GINS2: variants seen among roughly 807,000 people sequenced by gnomAD.
GINS2 encodes GINS complex subunit 2.
A neutral mutation model predicts 21.2 loss-of-function variants in GINS2; 23 were observed. The ratio of observed to expected loss-of-function variants is 1.08; its 90% CI spans 0.78 to 1.53. The LOEUF is 1.53. Ranked by LOEUF, GINS2 falls within the 40% of genes most tolerant of loss-of-function variation. The probability of loss-of-function intolerance (pLI) is 0.00; values close to 1 mark genes in which losing one functional copy is unlikely to be tolerated. For synonymous variants in GINS2, 118 were observed against 85.6 expected (o/e 1.38, Z -2.09); for missense variants, 323 against 233.9 (o/e 1.38, Z -2.49).
chr16:85,681,727 T>C (rs2053735098), intron 2 of GINS2, 46 bp from the exon 3 acceptor site: 3 of 1,205,632 alleles, frequency 2.5e-6, no homozygotes, highest in African/African-American at 3.0e-5. Flanking sequence ...ATAACCAAGA[T>C]ATTTATTAAA....
intron 2 of GINS2, among the ~76,000 whole-genome samples, chr16:85,685,840 C>G (rs1210442137): frequency 6.6e-6 from 1 of 151,508 alleles, no homozygotes; most frequent in Non-Finnish European, 1.5e-5. Flanking sequence ...GCTCTTGCTT[C>G]TAGGAGGTAG....
At chr16:85,679,906 C>T (rs2053717560) in intron 3 of GINS2, among the ~76,000 whole-genome samples, 1 of 152,198 alleles carries the variant, frequency 6.6e-6, no homozygotes, top group Non-Finnish European at 1.5e-5. Context: ...CATGAATGTA[C>T]TACACATCCT....
intron 1 of GINS2, among the ~76,000 whole-genome samples, chr16:85,688,490 G>T (rs2053799355): frequency 6.6e-6 from 1 of 152,198 alleles, no homozygotes; most frequent in Non-Finnish European, 1.5e-5. Flanking sequence ...AGGCTGCAGT[G>T]AGCCGAGACG....
At chr16:85,685,670 C>T (rs1341590107) in intron 2 of GINS2, among the ~76,000 whole-genome samples, 1 of 55,278 alleles carries the variant, frequency 1.8e-5, no homozygotes, top group Middle Eastern at 9.4e-3. Flanking sequence ...GACCCTTTCT[C>T]AAAAAAAAAA....
In GINS2 at chr16:85,678,616, T is replaced by G. The variant is rs748420580; in HGVS notation, c.356A>C (p.Asp119Ala). 3 of 1,613,864 alleles carry G rather than the reference T, an allele frequency of 1.9e-6. No individual in the cohort carries two copies. In the Admixed American group the frequency reaches 5.0e-5, roughly 27 times the overall value. ...KADEIRTLVK[D>A]MWDTRIAKLR... is the part of the protein sequence containing the mutation. Reference sequence around the variant, plus strand: ...TTTGGCTATACGAGTGTCCCACATATCCTTGACCAGGGTCCGGATTTCGTC... The same window carrying G: ...TTTGGCTATACGAGTGTCCCACATAGCCTTGACCAGGGTCCGGATTTCGTC... Residue 119 changes from aspartate to alanine, a missense_variant, in exon 4 of 5, where the codon GAT (aspartate) becomes GCT (alanine). By Grantham distance (126) the Asp-to-Ala change is moderately radical (BLOSUM62 -2). Coordinates refer to ENST00000253462, the MANE Select transcript of GINS2 (RefSeq NM_016095.3).
intron 2 of GINS2, among the ~76,000 whole-genome samples, chr16:85,685,009 G>C (rs1429448694): frequency 6.6e-6 from 1 of 152,006 alleles, no homozygotes; most frequent in Non-Finnish European, 1.5e-5. Flanking sequence ...GGCTGGTCTT[G>C]AACTCCTGAC....
intron 2 of GINS2, among the ~76,000 whole-genome samples, chr16:85,682,813 CGGAGCACAGCTA>C (rs1372098176): frequency 2.6e-5 from 4 of 152,190 alleles, no homozygotes; most frequent in African/African-American, 9.7e-5. Flanking sequence ...GGGACAAGCA[CGGAGCACAGCTA>C]CGCTGCAGGG....
intron 2 of GINS2, among the ~76,000 whole-genome samples, chr16:85,682,275 G>T (rs979302635): frequency 6.6e-6 from 1 of 152,040 alleles, no homozygotes; most frequent in East Asian, 1.9e-4. Flanking sequence ...TCAGCTTCTC[G>T]AAGTGCTGGG....
rs773316124 is a variant in GINS2 at position 85,681,639 on chromosome 16, G to T, written c.248C>A (p.Thr83Asn). ...GTAAGGGCTGGGCATTGGGGTAAAAGTTTCTTCCTTTCGTTCATGATCCCT... is the reference window on the plus strand; with the variant it reads ...GTAAGGGCTGGGCATTGGGGTAAAATTTTCTTCCTTTCGTTCATGATCCCT... ...KMRDHERKEE[T>N]FTPMPSPYYM... The change falls in exon 3 of 5, where the codon ACT becomes AAT. Residue 83 changes from threonine (T) to asparagine (N), a missense_variant. Thr to Asn is a moderately conservative substitution (Grantham distance 65). Transcript: ENST00000253462. The T allele has an allele frequency of 3.1e-6, 5 of 1,612,818 alleles. No homozygotes were observed. Among genetic ancestry groups the T allele is most frequent in the Non-Finnish European group, 4.2e-6 (5 of 1,178,954 alleles).
chr16:85,682,912 T>C (rs1377538832), intron 2 of GINS2, among the ~76,000 whole-genome samples: 1 of 152,074 alleles, frequency 6.6e-6, no homozygotes, highest in East Asian at 1.9e-4. Context: ...TTCCTTGGTC[T>C]ACTCACCCTC....
Position 85,677,559 on chromosome 16 carries a change from T to TGCAGTTTCCACTTAACTGCCGTGTGCC in GINS2, c.*626_*652dup, listed in dbSNP as rs2053689421. 1.3e-5 allele frequency: 2 copies of TGCAGTTTCCACTTAACTGCCGTGTGCC among 152,306 alleles called. No individual in the cohort carries two copies. The highest frequency in any genetic ancestry group is 4.8e-5 in the African/African-American group (2 of 41,468). 9.4% of individuals were successfully genotyped at this position (152,306 alleles called of 1,614,324 possible). A position where few individuals can be genotyped will look rare whatever the true frequency, so the allele number is the denominator to read the frequency against. On this transcript the variant is annotated 3_prime_UTR_variant, in exon 5 of 5. Coordinates refer to ENST00000253462, the MANE Select transcript of GINS2 (RefSeq NM_016095.3). Reference sequence around the variant, plus strand: ...GAAGGAGACACCCCAGGTGTTGGTCTGCAGTTTCCACTTAACTGCCGTGTG... The same window carrying TGCAGTTTCCACTTAACTGCCGTGTGCC: ...GAAGGAGACACCCCAGGTGTTGGTCTGCAGTTTCCACTTAACTGCCGTGTGCCGCAGTTTCCACTTAACTGCCGTGTG...
rs1407595522 is a variant in GINS2 at position 85,676,949 on chromosome 16, C to T, written c.*1263G>A. 6.6e-6 allele frequency: 1 copy of T among 152,290 alleles called. No homozygotes were observed. The allele number at this position is 152,290 out of a possible 1,614,324, so 9.4% of individuals were successfully genotyped here. A position where few individuals can be genotyped will look rare whatever the true frequency, so the allele number is the denominator to read the frequency against. On this transcript the variant is annotated 3_prime_UTR_variant, in exon 5 of 5. Transcript: ENST00000253462. ...GTGCAATCTTGGCTCACTACAACCTCCGCCTCTCGGGTTCAAGCGATTCTC... is the reference window on the plus strand; with the variant it reads ...GTGCAATCTTGGCTCACTACAACCTTCGCCTCTCGGGTTCAAGCGATTCTC...
At position 85,678,593 on chromosome 16, in the gene GINS2, T is replaced by A. The variant is rs1020916371; in HGVS notation, c.379A>T (p.Lys127Ter). The part of the protein sequence containing the change: ...VKDMWDTRIA[K>*]LRVSADSFVR... ...AAGCTGTCAGCAGACACTCGGAGTT[T>A]GGCTATACGAGTGTCCCACATATCC... The change falls in exon 4 of 5, where the codon AAA (lysine) becomes TAA (stop). Residue 127 changes from lysine to a stop codon, truncating the protein, a stop_gained. Coordinates refer to ENST00000253462, the MANE Select transcript of GINS2 (RefSeq NM_016095.3). LOFTEE classifies it high-confidence loss of function. The A allele has an allele frequency of 4.3e-6, 7 of 1,613,938 alleles. No individual in the cohort carries two copies. Among genetic ancestry groups the A allele is most frequent in the Non-Finnish European group, 5.9e-6 (7 of 1,179,872 alleles).
In GINS2 at chr16:85,687,579, C is replaced by T; in HGVS notation, c.91-5G>A. The T allele has an allele frequency of 6.6e-7, 1 of 1,510,710 alleles. No homozygotes were observed. The highest frequency in any genetic ancestry group is 8.9e-7 in the Non-Finnish European group (1 of 1,120,112). 93.6% of individuals were successfully genotyped at this position (1,510,710 alleles called of 1,614,324 possible). A position where few individuals can be genotyped will look rare whatever the true frequency, so the allele number is the denominator to read the frequency against. ...GTTAAAAGGCCCCAGGTCCCCCTGC[C>T]AAAAGTAAAACAATTCCCCGTAAGA... On this transcript the variant is annotated splice_polypyrimidine_tract_variant and splice_region_variant and intron_variant, in intron 1 of 4. Coordinates refer to ENST00000253462, the MANE Select transcript of GINS2 (RefSeq NM_016095.3).
chr16:85,678,792 T>C, intron 3 of GINS2, 126 bp from the exon 4 acceptor site: 1 of 905,160 alleles, frequency 1.1e-6, no homozygotes, highest in African/African-American at 1.7e-5. Context: ...TTTTGCTTTA[T>C]TTTCAACTTT....
chr16:85,678,431 G>A, intron 4 of GINS2, 94 bp from the exon 5 acceptor site: 1 of 1,553,382 alleles, frequency 6.4e-7, no homozygotes, highest in South Asian at 1.1e-5. Context: ...CCAATGAACT[G>A]TTGAAAAGCA....
At chr16:85,678,720 T>C in intron 3 of GINS2, 54 bp from the exon 4 acceptor site, 12 of 1,573,870 alleles carry the variant, frequency 7.6e-6, no homozygotes, top group Non-Finnish European at 1.0e-5. Context: ...CCTGAGGCAA[T>C]GCTGGATAGA....
chr16:85,687,056 T>C (rs1254280230), intron 2 of GINS2, among the ~76,000 whole-genome samples: 4 of 152,148 alleles, frequency 2.6e-5, no homozygotes, highest in Non-Finnish European at 5.9e-5. Flanking sequence ...ACCCCATCTC[T>C]ACAAAAACGC....
At chr16:85,678,806 G>T in intron 3 of GINS2, 140 bp from the exon 4 acceptor site, 1 of 806,164 alleles carries the variant, frequency 1.2e-6, no homozygotes, top group Non-Finnish European at 2.0e-6. Flanking sequence ...CAACTTTAGG[G>T]TGTAAAGATT....
Sources: gnomAD v4.1 joint callset for allele counts (sites outside exome capture counted in the v4.1 genomes callset) on GRCh38, gnomAD v4.1.1 for gene constraint, MANE v1.5 for transcripts, NCBI Gene and HGNC (gene_info 2026-07-23, HGNC 2026-07-21) for gene names.